KCNG3: variants seen among roughly 807,000 people sequenced by gnomAD.
The protein encoded by KCNG3 is voltage-gated potassium channel regulatory subunit KCNG3.
A neutral mutation model predicts 29.0 loss-of-function variants in KCNG3; 15 were observed. The ratio of observed to expected loss-of-function variants is 0.52; its 90% CI spans 0.35 to 0.80. The LOEUF is 0.80. KCNG3 is among the 30% of genes least tolerant of loss of function. KCNG3 has a pLI of 0.01. For missense variants in KCNG3, 512 were observed against 605.7 expected, an observed-to-expected ratio of 0.85 and a Z score of 1.62; for synonymous variants, 322 against 248.9, an observed-to-expected ratio of 1.29 and a Z score of -2.76.
the KCNG3 span, among the ~76,000 whole-genome samples, chr2:42,435,028 C>T: frequency 2.0e-5 from 3 of 152,140 alleles, no homozygotes; most frequent in African/African-American, 4.8e-5. Flanking sequence ...CAGGGCTGGG[C>T]GCAGTGGCTC....
At chr2:42,399,391 T>C in the KCNG3 span, among the ~76,000 whole-genome samples, 2 of 152,242 alleles carry the variant, frequency 1.3e-5, no homozygotes, top group African/African-American at 4.8e-5. Flanking sequence ...GGAAGTTCTC[T>C]ATTGTAGATA....
At chr2:42,433,971 A>G in the KCNG3 span, among the ~76,000 whole-genome samples, 3 of 152,134 alleles carry the variant, frequency 2.0e-5, no homozygotes. Context: ...AAACTATAAA[A>G]CATTGTTGAA....
Position 42,493,959 on chromosome 2 carries a change from C to G in KCNG3, c.-458G>C, listed in dbSNP as rs1004241781. 1.9e-5 allele frequency: 3 copies of G among 154,100 alleles called. No individual in the cohort carries two copies. Among genetic ancestry groups the G allele is most frequent in the African/African-American group, 7.2e-5 (3 of 41,498 alleles). 9.5% of individuals were successfully genotyped at this position (154,100 alleles called of 1,614,324 possible). A position where few individuals can be genotyped will look rare whatever the true frequency, so the allele number is the denominator to read the frequency against. On this transcript the variant is annotated 5_prime_UTR_variant, in exon 1 of 2. Transcript: ENST00000306078. ...CGCGAATCCGGCGGCCGCCCCGCCG[C>G]CGTCCAGAGGCGAGAGGCAAAGTGA...
At chr2:42,394,800 G>T in the KCNG3 span, among the ~76,000 whole-genome samples, 2 of 152,182 alleles carry the variant, frequency 1.3e-5, no homozygotes, top group African/African-American at 2.4e-5. Flanking sequence ...GGCACATGTT[G>T]TCACGACCTC....
At chr2:42,436,264 G>C in the KCNG3 span, among the ~76,000 whole-genome samples, 1 of 152,144 alleles carries the variant, frequency 6.6e-6, no homozygotes, top group African/African-American at 2.4e-5. Flanking sequence ...ACTGCTAATG[G>C]GCACAGGGTA....
At chr2:42,436,723 C>A in the KCNG3 span, among the ~76,000 whole-genome samples, 5 of 152,212 alleles carry the variant, frequency 3.3e-5, no homozygotes, top group African/African-American at 1.2e-4. Flanking sequence ...ATCATCCCAG[C>A]TACCCCTTAG....
At chr2:42,429,050 G>T in the KCNG3 span, among the ~76,000 whole-genome samples, 1 of 151,796 alleles carries the variant, frequency 6.6e-6, no homozygotes, top group African/African-American at 2.4e-5. Context: ...ACCCAGGAGG[G>T]GGAGGTTGCG....
chr2:42,425,427 G>C, the KCNG3 span, among the ~76,000 whole-genome samples: 1 of 150,146 alleles, frequency 6.7e-6, no homozygotes, highest in African/African-American at 2.5e-5. Context: ...AATCAAATCA[G>C]GAATTATTTC....
the KCNG3 span, among the ~76,000 whole-genome samples, chr2:42,389,097 T>C: frequency 6.6e-6 from 1 of 152,102 alleles, no homozygotes; most frequent in African/African-American, 2.4e-5. Context: ...TTTGTATTTT[T>C]AGTAGAGACA....
At chr2:42,477,417 A>G (rs1488960959) in intron 1 of KCNG3, among the ~76,000 whole-genome samples, 2 of 47,588 alleles carry the variant, frequency 4.2e-5, no homozygotes, top group Non-Finnish European at 1.0e-4. Flanking sequence ...ACACACACAC[A>G]CACACATATA....
At chr2:42,449,675 A>G (rs371806678) in intron 1 of KCNG3, among the ~76,000 whole-genome samples, 3 of 151,690 alleles carry the variant, frequency 2.0e-5, no homozygotes, top group African/African-American at 7.3e-5. Context: ...GCACCACCAC[A>G]CCTGGCCTCA....
At chr2:42,455,389 A>G (rs903012586) in intron 1 of KCNG3, among the ~76,000 whole-genome samples, 1 of 152,218 alleles carries the variant, frequency 6.6e-6, no homozygotes, top group Non-Finnish European at 1.5e-5. Flanking sequence ...GAATTGAACG[A>G]GATTGTTCCT....
chr2:42,398,264 T>A, the KCNG3 span, among the ~76,000 whole-genome samples: 6 of 132,504 alleles, frequency 4.5e-5, no homozygotes, highest in Non-Finnish European at 9.8e-5. Flanking sequence ...AATAAATAAA[T>A]AAAATAAAAT....
At chr2:42,452,439 G>A (rs924237428) in intron 1 of KCNG3, among the ~76,000 whole-genome samples, 1 of 151,320 alleles carries the variant, frequency 6.6e-6, no homozygotes, top group Non-Finnish European at 1.5e-5. Flanking sequence ...TCACCCTGTT[G>A]TGCTAGCAAA....
the KCNG3 span, among the ~76,000 whole-genome samples, chr2:42,435,990 A>G: frequency 6.6e-6 from 1 of 152,266 alleles, no homozygotes; most frequent in African/African-American, 2.4e-5. Flanking sequence ...ACAAGTGTCC[A>G]TCAACTGATG....
chr2:42,398,712 G>T, the KCNG3 span, among the ~76,000 whole-genome samples: 4 of 152,226 alleles, frequency 2.6e-5, no homozygotes, highest in African/African-American at 9.6e-5. Flanking sequence ...AAGGGGAAAT[G>T]TTCTCACGTA....
the KCNG3 span, among the ~76,000 whole-genome samples, chr2:42,402,302 A>T: frequency 6.6e-6 from 1 of 152,252 alleles, no homozygotes; most frequent in African/African-American, 2.4e-5. Flanking sequence ...CTCCAATATC[A>T]TATGAGCCAG....
At chr2:42,471,822 T>A (rs1202832180) in intron 1 of KCNG3, among the ~76,000 whole-genome samples, 1 of 145,958 alleles carries the variant, frequency 6.9e-6, no homozygotes, top group East Asian at 2.0e-4. Flanking sequence ...AGGTTGAGGC[T>A]GTAGTGAGCC....
the KCNG3 span, among the ~76,000 whole-genome samples, chr2:42,392,930 G>A: frequency 6.6e-6 from 1 of 152,178 alleles, no homozygotes. Flanking sequence ...TGGGAGTATT[G>A]GGTTGATTTC....
Sources: gnomAD v4.1 joint callset for allele counts (sites outside exome capture counted in the v4.1 genomes callset) on GRCh38, gnomAD v4.1.1 for gene constraint, MANE v1.5 for transcripts, NCBI Gene and HGNC (gene_info 2026-07-23, HGNC 2026-07-21) for gene names.